The following IGSF3 variants were observed in gnomAD, a reference collection of about 807,000 sequenced individuals.
IGSF3 encodes the protein glu-Trp-Ile EWI motif-containing protein 3.
IGSF3 carries 23 observed loss-of-function variants against 114.4 expected under a neutral mutation model. The ratio of observed to expected loss-of-function variants is 0.20; its 90% CI spans 0.14 to 0.28. The LOEUF is 0.28. Ranked by LOEUF, IGSF3 falls within the 10% of genes least tolerant of loss-of-function variation. The probability of loss-of-function intolerance (pLI) is 1.00; values close to 1 mark genes in which losing one functional copy is unlikely to be tolerated. For synonymous variants in IGSF3, 571 were observed against 645.2 expected (o/e 0.88, Z 1.74); for missense variants, 1,172 against 1,591.5 (o/e 0.74, Z 4.48).
chr1:116,611,904 A>G (rs1661037703), intron 4 of IGSF3, among the ~76,000 whole-genome samples: 1 of 152,208 alleles, frequency 6.6e-6, no homozygotes, highest in African/African-American at 2.4e-5. Context: ...GCCTATCACC[A>G]TCACACCTTC....
At position 116,579,894 on chromosome 1, in the gene IGSF3, G is replaced by C. The variant is rs1328511813; in HGVS notation, c.2849-17C>G. 1 of 1,576,860 alleles carries C rather than the reference G, an allele frequency of 6.3e-7. No individual in the cohort carries two copies. Among genetic ancestry groups the C allele is most frequent in the South Asian group, 1.1e-5 (1 of 87,638 alleles). On this transcript the variant is annotated splice_polypyrimidine_tract_variant and intron_variant, in intron 9 of 10. Coordinates refer to ENST00000369486, the MANE Select transcript of IGSF3 (RefSeq NM_001007237.3). This position sits in a 1 kb window ranked among gnomAD's most constrained non-coding sequence, Gnocchi z 6.4. ...GGGAAGCATCTGGGGAATGACAAGG[G>C]ACAAACAGGGAAGGGGTTGTTTAAA...
chr1:116,606,458 C>T (rs763178203), intron 5 of IGSF3: 22 of 1,612,086 alleles, frequency 1.4e-5, no homozygotes, highest in African/African-American at 2.7e-5. Flanking sequence ...TCACCATTAC[C>T]GATGTGATTG....
intron 2 of IGSF3, among the ~76,000 whole-genome samples, chr1:116,659,433 G>C (rs1649018263): frequency 6.6e-6 from 1 of 152,064 alleles, no homozygotes; most frequent in African/African-American, 2.4e-5. Flanking sequence ...ACAAATATAA[G>C]CTTGATTTTG....
In IGSF3 at chr1:116,636,146, C is replaced by T. The variant is rs1210159296; in HGVS notation, c.44-19689G>A. On this transcript the variant is annotated intron_variant, in intron 2 of 10. Transcript: ENST00000369486. This position sits in a 1 kb window ranked among gnomAD's most constrained non-coding sequence, Gnocchi z 4.5. ...GGCCTTTGCCAGTCATCAAACAAAG[C>T]CTCTTGTCTCCTGAGAGCCGCTCCA... is the stretch of plus-strand genomic sequence containing the variant. Among the ~76,000 whole-genome samples the T allele has an allele frequency of 6.6e-6, 1 of 152,208 alleles. No homozygotes were observed. Among genetic ancestry groups the T allele is most frequent in the Non-Finnish European group, 1.5e-5 (1 of 68,042 alleles).
At chr1:116,645,601 T>C (rs554370148) in intron 2 of IGSF3, among the ~76,000 whole-genome samples, 3 of 152,238 alleles carry the variant, frequency 2.0e-5, no homozygotes, top group African/African-American at 4.8e-5. Context: ...CTTGGAGAAA[T>C]CACATAAGCT....
intron 4 of IGSF3, among the ~76,000 whole-genome samples, chr1:116,608,561 G>A (rs1660890409): frequency 1.3e-5 from 2 of 152,164 alleles, no homozygotes; most frequent in Non-Finnish European, 1.5e-5. Flanking sequence ...AGCCCAGACG[G>A]TCTAAGCAAA....
rs928745804 is a variant in IGSF3, at chr1:116,608,314, G to C, written c.850C>G (p.Arg284Gly). The change falls in exon 5 of 11, where the codon CGG becomes GGG. Residue 284 changes from arginine (R) to glycine (G), a missense_variant. Arg to Gly is a moderately radical substitution (Grantham distance 125). This residue lies in a region of IGSF3 where 736 missense variants were observed against 1,042.0 expected (regional missense o/e 0.71). Coordinates refer to ENST00000369486, the MANE Select transcript of IGSF3 (RefSeq NM_001007237.3). ...TGCAGCCGCTTCTCTGTCTCCAGCC[G>C]AACAGTGAATTCTTTGTCTGAGAGA... ...VQPTDKEFTV[R>G]LETEKRLHTV... The C allele has an allele frequency of 5.0e-6, 8 of 1,612,932 alleles. No individual in the cohort carries two copies. Among genetic ancestry groups the C allele is most frequent in the Non-Finnish European group, 6.8e-6 (8 of 1,179,312 alleles).
rs1661133731 is a variant in IGSF3 at position 116,614,229 on chromosome 1, C to T, written c.422-54G>A. 6.8e-7 allele frequency: 1 copy of T among 1,466,174 alleles called. No individual in the cohort carries two copies. The highest frequency in any genetic ancestry group is 1.7e-5 in the Admixed American group (1 of 58,368). 90.8% of individuals were successfully genotyped at this position (1,466,174 alleles called of 1,614,324 possible). A position where few individuals can be genotyped will look rare whatever the true frequency, so the allele number is the denominator to read the frequency against. ...AGTCACAAAGCCACAGAATCTGAGA[C>T]TCCCAGGGCTAAGCTCCCATTCCAC... On this transcript the variant is annotated intron_variant, in intron 3 of 10. Coordinates refer to ENST00000369486, the MANE Select transcript of IGSF3 (RefSeq NM_001007237.3). The surrounding 1 kb of genome is among the most constrained non-coding windows in gnomAD (Gnocchi z 4.5).
At position 116,582,847 on chromosome 1, in the gene IGSF3, C is replaced by T. The variant is rs1391347259; in HGVS notation, c.2848+1798G>A. ...TTGTAGGCCGTGAGATTATGGCTAA[C>T]CTTTCTTTTCAAAATTATACTTTTC... On this transcript the variant is annotated intron_variant, in intron 9 of 10. Transcript: ENST00000369486. The surrounding 1 kb of genome is among the most constrained non-coding windows in gnomAD (Gnocchi z 4.7). Among the ~76,000 whole-genome samples the T allele has an allele frequency of 6.6e-6, 1 of 152,154 alleles. No individual in the cohort carries two copies. Among genetic ancestry groups the T allele is most frequent in the Non-Finnish European group, 1.5e-5 (1 of 68,032 alleles).
rs1269260011 is a variant in IGSF3 at position 116,642,759 on chromosome 1, CATCA to C, written c.43+23521_43+23524del. Among the ~76,000 whole-genome samples the C allele has an allele frequency of 1.3e-5, 2 of 152,262 alleles. No homozygotes were observed. The highest frequency in any genetic ancestry group is 2.9e-5 in the Non-Finnish European group (2 of 68,054). ...CAGCTCCTGGGATGCGCTGTAGTAT[CATCA>C]ATCACCGCTGCTGCTCGCTGGGACT... is the stretch of plus-strand genomic sequence containing the variant. On this transcript the variant is annotated intron_variant, in intron 2 of 10. Transcript: ENST00000369486. The surrounding 1 kb of genome is among the most constrained non-coding windows in gnomAD (Gnocchi z 5.4).
intron 2 of IGSF3, among the ~76,000 whole-genome samples, chr1:116,635,741 G>T (rs1647797657): frequency 6.6e-6 from 1 of 152,198 alleles, no homozygotes; most frequent in Admixed American, 6.5e-5. Flanking sequence ...TGGTTATGGG[G>T]TCTCTGGTCT....
In IGSF3 at chr1:116,632,280, C is replaced by T. The variant is rs1156910226; in HGVS notation, c.44-15823G>A. Among the ~76,000 whole-genome samples the T allele has an allele frequency of 6.6e-6, 1 of 152,168 alleles. No homozygotes were observed. Among genetic ancestry groups the T allele is most frequent in the African/African-American group, 2.4e-5 (1 of 41,428 alleles). On this transcript the variant is annotated intron_variant, in intron 2 of 10. Transcript: ENST00000369486. This position sits in a 1 kb window ranked among gnomAD's most constrained non-coding sequence, Gnocchi z 5.1. ...AATGCTGACCATCCCCCAAAACCTC[C>T]CACCCCACCTAGTGCTGATAACAGG...
chr1:116,610,733 C>T lies in IGSF3; in HGVS notation c.833-2402G>A, dbSNP rs983417493. On this transcript the variant is annotated intron_variant, in intron 4 of 10. Coordinates refer to ENST00000369486, the MANE Select transcript of IGSF3 (RefSeq NM_001007237.3). This position sits in a 1 kb window ranked among gnomAD's most constrained non-coding sequence, Gnocchi z 4.3. Reference sequence around the variant, plus strand: ...TCACCTCTTACTGCTGCTGTTCTCCCAGGTCCTTTCCCATTTTTACCCCAT... The same window carrying T: ...TCACCTCTTACTGCTGCTGTTCTCCTAGGTCCTTTCCCATTTTTACCCCAT... Among the ~76,000 whole-genome samples the T allele has an allele frequency of 6.6e-6, 1 of 152,118 alleles. No individual in the cohort carries two copies. The highest frequency in any genetic ancestry group is 2.4e-5 in the African/African-American group (1 of 41,400).
intron 7 of IGSF3, among the ~76,000 whole-genome samples, chr1:116,591,406 G>A (rs1571128630): frequency 6.6e-6 from 1 of 152,176 alleles, no homozygotes; most frequent in African/African-American, 2.4e-5. Flanking sequence ...ATTGGGGCCG[G>A]ATTATTTTTG....
rs566104525 is a variant in IGSF3, at chr1:116,648,743, C to G, written c.43+17541G>C. Reference sequence around the variant, plus strand: ...GGAGATCTGGAACTTCTTCCTGAAGCTCCATGTTTAGCCAGATAATTGAGA... The same window carrying G: ...GGAGATCTGGAACTTCTTCCTGAAGGTCCATGTTTAGCCAGATAATTGAGA... On this transcript the variant is annotated intron_variant, in intron 2 of 10. Transcript: ENST00000369486. The surrounding 1 kb of genome is among the most constrained non-coding windows in gnomAD (Gnocchi z 4.7). 7.2e-5 allele frequency among the ~76,000 whole-genome samples: 11 copies of G among 152,336 alleles called. No individual in the cohort carries two copies. In the South Asian group the frequency reaches 2.3e-3, roughly 32 times the overall value.
rs115785243 is a variant in IGSF3 at position 116,607,865 on chromosome 1, C to T, written c.1222+77G>A. On this transcript the variant is annotated intron_variant, in intron 5 of 10. Coordinates refer to ENST00000369486, the MANE Select transcript of IGSF3 (RefSeq NM_001007237.3). The surrounding 1 kb of genome is among the most constrained non-coding windows in gnomAD (Gnocchi z 6.1). Reference sequence around the variant, plus strand: ...CATCTGCCTCCCCTCACCTTCACCACGCTATTCTCTCTCCCCCTACCTCTC... The same window carrying T: ...CATCTGCCTCCCCTCACCTTCACCATGCTATTCTCTCTCCCCCTACCTCTC... 5,339 of 1,423,880 alleles carry T rather than the reference C, an allele frequency of 3.7e-3. 173 individuals are homozygous for T. The African/African-American group carries it at 0.064, about 17-fold the overall frequency. 88.2% of individuals were successfully genotyped at this position (1,423,880 alleles called of 1,614,324 possible).
At chr1:116,640,617 G>A (rs1648047775) in intron 2 of IGSF3, among the ~76,000 whole-genome samples, 3 of 152,066 alleles carry the variant, frequency 2.0e-5, no homozygotes, top group African/African-American at 7.2e-5. Flanking sequence ...TGTCACTCCA[G>A]GGCATTCATT....
At chr1:116,631,670 G>A (rs1387349614) in intron 2 of IGSF3, among the ~76,000 whole-genome samples, 1 of 152,200 alleles carries the variant, frequency 6.6e-6, no homozygotes, top group Non-Finnish European at 1.5e-5. Context: ...CTGGGGAGAA[G>A]TTGATGAGGT....
At position 116,651,699 on chromosome 1, in the gene IGSF3, C is replaced by T. The variant is rs965623562; in HGVS notation, c.43+14585G>A. On this transcript the variant is annotated intron_variant, in intron 2 of 10. Transcript: ENST00000369486. This position sits in a 1 kb window ranked among gnomAD's most constrained non-coding sequence, Gnocchi z 4.4. ...CTATCAAAATGGCAATAAAGCTCAACTTAATATTTACTCTATTCCAAGCAG... is the reference window on the plus strand; with the variant it reads ...CTATCAAAATGGCAATAAAGCTCAATTTAATATTTACTCTATTCCAAGCAG... Among the ~76,000 whole-genome samples the T allele has an allele frequency of 2.6e-5, 4 of 152,090 alleles. No homozygotes were observed. The highest frequency in any genetic ancestry group is 7.2e-5 in the African/African-American group (3 of 41,416).
Sources: gnomAD v4.1 joint callset for allele counts (sites outside exome capture counted in the v4.1 genomes callset) on GRCh38, gnomAD v4.1.1 for gene constraint, gnomAD v4.1.1 regional missense constraint, Gnocchi (gnomAD v3.1) non-coding constraint, MANE v1.5 for transcripts, NCBI Gene and HGNC (gene_info 2026-07-23, HGNC 2026-07-21) for gene names.